Variants in ANK3 observed in about 807,000 individuals in gnomAD.
ANK3 encodes the protein ankyrin-3.
A neutral mutation model predicts 370.9 loss-of-function variants in ANK3; 57 were observed. That is an observed-to-expected ratio of 0.15 (90% CI 0.12 to 0.19). The LOEUF (loss-of-function observed/expected upper bound fraction) is 0.19. Ranked by LOEUF, ANK3 falls within the 10% of genes least tolerant of loss-of-function variation. The pLI is 1.00. For synonymous variants in ANK3, 1,929 were observed against 1,946.3 expected, an observed-to-expected ratio of 0.99 and a Z score of 0.23; for missense variants, 4,439 against 5,302.1, an observed-to-expected ratio of 0.84 and a Z score of 5.06.
chr10:60,147,072 C>T (rs1166387152), intron 23 of ANK3, among the ~76,000 whole-genome samples: 1 of 152,072 alleles, frequency 6.6e-6, no homozygotes, highest in Admixed American at 6.6e-5. Flanking sequence ...AGCAAGAGCT[C>T]GTGTTAAGTA....
intron 1 of ANK3, among the ~76,000 whole-genome samples, chr10:60,339,694 G>C (rs146978911): frequency 1.0e-3 from 152 of 152,248 alleles, no homozygotes; most frequent in Middle Eastern, 3.4e-3. Context: ...TAGCTCTTCT[G>C]ATTTGTCCAG....
chr10:60,671,507 CT>C (rs1330271624), intron 1 of ANK3, among the ~76,000 whole-genome samples: 6 of 152,214 alleles, frequency 3.9e-5, no homozygotes, highest in African/African-American at 1.4e-4. Flanking sequence ...TGTCATAGCA[CT>C]TTTTGCCTTT....
In ANK3 at chr10:60,185,476, T is replaced by C. The variant is rs562290729; in HGVS notation, c.2085+1239A>G. Among the ~76,000 whole-genome samples the C allele has an allele frequency of 8.5e-5, 13 of 152,320 alleles. No homozygotes were observed. In the South Asian group the frequency reaches 2.7e-3, roughly 32 times the overall value. ...AGAGAGGTAATATAACTTGCCTAAA[T>C]GACACAGGAAGAATCCAACTTAGGA... is the stretch of plus-strand genomic sequence containing the variant. On this transcript the variant is annotated intron_variant, in intron 17 of 43. Transcript: ENST00000280772.
At chr10:60,652,767 G>A (rs190797038) in intron 1 of ANK3, among the ~76,000 whole-genome samples, 72 of 151,080 alleles carry the variant, frequency 4.8e-4, no homozygotes, top group African/African-American at 1.6e-3. Context: ...CTTTGAACCA[G>A]GAAGTAGTTA....
intron 1 of ANK3, chr10:60,684,856 A>C (rs1168341609): frequency 1.3e-6 from 2 of 1,493,824 alleles, no homozygotes; most frequent in African/African-American, 2.8e-5. Context: ...ACTTCACAAA[A>C]TAACTAGGTT....
chr10:60,187,045 T>C (rs750835259), intron 16 of ANK3, 133 bp from the exon 17 acceptor site: 6 of 836,292 alleles, frequency 7.2e-6, no homozygotes, highest in Non-Finnish European at 9.6e-6. Context: ...AGTAAGCAAA[T>C]ACTGGTAAAC....
intron 5 of ANK3, among the ~76,000 whole-genome samples, chr10:60,269,655 C>G (rs542085253): frequency 3.4e-5 from 5 of 146,480 alleles, no homozygotes; most frequent in South Asian, 2.3e-4. Context: ...CCCTCCCCCC[C>G]CCCAAAAAAA....
At chr10:60,275,007 G>A (rs963354990) in intron 4 of ANK3, among the ~76,000 whole-genome samples, 2 of 152,180 alleles carry the variant, frequency 1.3e-5, no homozygotes, top group African/African-American at 2.4e-5. Flanking sequence ...ACAACCTAGA[G>A]CCATAACTGT....
intron 2 of ANK3, among the ~76,000 whole-genome samples, chr10:60,466,424 T>C (rs759018342): frequency 6.6e-6 from 1 of 152,182 alleles, no homozygotes; most frequent in Non-Finnish European, 1.5e-5. Flanking sequence ...AATGGTGAAA[T>C]AGGTTTTATT....
chr10:60,345,380 C>T (rs895503202), intron 1 of ANK3, among the ~76,000 whole-genome samples: 5 of 152,080 alleles, frequency 3.3e-5, no homozygotes, highest in Admixed American at 6.6e-5. Flanking sequence ...ATCAGTCACT[C>T]ATCTTATTGG....
chr10:60,704,835 C>A (rs1169295054), intron 1 of ANK3, among the ~76,000 whole-genome samples: 1 of 152,146 alleles, frequency 6.6e-6, no homozygotes, highest in Non-Finnish European at 1.5e-5. Flanking sequence ...TCCTAGCACT[C>A]CAAGTTAGGT....
intron 2 of ANK3, among the ~76,000 whole-genome samples, chr10:60,425,263 C>T (rs529315812): frequency 6.6e-6 from 1 of 152,024 alleles, no homozygotes; most frequent in Admixed American, 6.6e-5. Context: ...GTGTTTTAGA[C>T]CAATAATTTT....
chr10:60,291,962 T>C (rs1225377260), intron 1 of ANK3, among the ~76,000 whole-genome samples: 1 of 152,160 alleles, frequency 6.6e-6, no homozygotes, highest in Non-Finnish European at 1.5e-5. Flanking sequence ...AATCCACCCA[T>C]CTTGGCCTCC....
intron 2 of ANK3, among the ~76,000 whole-genome samples, chr10:60,485,448 A>G (rs2075324823): frequency 1.3e-5 from 2 of 152,340 alleles, no homozygotes; most frequent in South Asian, 2.1e-4. Flanking sequence ...GGAAGGGATT[A>G]TCCTCAGGGA....
At chr10:60,610,446 G>A (rs1446051726) in intron 2 of ANK3, among the ~76,000 whole-genome samples, 1 of 151,976 alleles carries the variant, frequency 6.6e-6, no homozygotes, top group Non-Finnish European at 1.5e-5. Flanking sequence ...CTGGGAGGTG[G>A]AGACTGCAGT....
At chr10:60,187,291 G>A (rs750621070) in intron 16 of ANK3, among the ~76,000 whole-genome samples, 61 of 151,946 alleles carry the variant, frequency 4.0e-4, no homozygotes, top group Non-Finnish European at 8.2e-4. Context: ...GAGTAGCTGG[G>A]ACTACAGGCG....
intron 42 of ANK3, among the ~76,000 whole-genome samples, chr10:60,044,970 T>C (rs2076704241): frequency 6.6e-6 from 1 of 152,210 alleles, no homozygotes; most frequent in Non-Finnish European, 1.5e-5. Context: ...TACACTGAAG[T>C]ATCTTCATTG....
chr10:60,602,847 T>G (rs1210745400), intron 2 of ANK3, among the ~76,000 whole-genome samples: 1 of 152,208 alleles, frequency 6.6e-6, no homozygotes, highest in East Asian at 1.9e-4. Context: ...CATTACCTAA[T>G]GCAACACTAA....
intron 24 of ANK3, among the ~76,000 whole-genome samples, chr10:60,137,059 T>C (rs956215067): frequency 6.6e-6 from 1 of 152,114 alleles, no homozygotes; most frequent in African/African-American, 2.4e-5. Flanking sequence ...GCAAACCCAG[T>C]GAAATTCCTT....
Sources: gnomAD v4.1 joint callset for allele counts (sites outside exome capture counted in the v4.1 genomes callset) on GRCh38, gnomAD v4.1.1 for gene constraint, MANE v1.5 for transcripts, NCBI Gene and HGNC (gene_info 2026-07-23, HGNC 2026-07-21) for gene names.